ARSG: variants seen among roughly 807,000 people sequenced by gnomAD.
ARSG encodes ASG.
A neutral mutation model predicts 50.5 loss-of-function variants in ARSG; 37 were observed. That is an observed-to-expected ratio of 0.73 (90% CI 0.56 to 0.96). ARSG has a LOEUF of 0.96. Ranked by LOEUF, ARSG falls within the 50% of genes least tolerant of loss-of-function variation. ARSG has a pLI of 0.00. For synonymous variants in ARSG, 225 were observed against 254.6 expected (o/e 0.88, Z 1.11); for missense variants, 629 against 675.3 (o/e 0.93, Z 0.76).
intron 9 of ARSG, among the ~76,000 whole-genome samples, chr17:68,386,259 G>A (rs534195745): frequency 1.3e-5 from 2 of 152,288 alleles, no homozygotes; most frequent in South Asian, 2.1e-4. Flanking sequence ...GGAACCCTCC[G>A]TAGAACCCTG....
At chr17:68,344,425 G>A (rs751992858) in intron 3 of ARSG, among the ~76,000 whole-genome samples, 4 of 152,252 alleles carry the variant, frequency 2.6e-5, no homozygotes, top group Non-Finnish European at 5.9e-5. Context: ...GACCAGCAAC[G>A]TCTGCCACAT....
intron 1 of ARSG, among the ~76,000 whole-genome samples, chr17:68,293,170 A>C (rs1311168181): frequency 6.6e-6 from 1 of 152,224 alleles, no homozygotes; most frequent in East Asian, 1.9e-4. Flanking sequence ...TGAACACTTC[A>C]TGCTAATGCA....
At chr17:68,397,236 C>T (rs2081286009) in intron 10 of ARSG, among the ~76,000 whole-genome samples, 1 of 152,146 alleles carries the variant, frequency 6.6e-6, no homozygotes, top group Admixed American at 6.5e-5. Flanking sequence ...ACAGCATCGT[C>T]ACGGGGAGGT....
chr17:68,430,967 T>C, the ARSG span, among the ~76,000 whole-genome samples: 1 of 152,148 alleles, frequency 6.6e-6, no homozygotes, highest in Admixed American at 6.5e-5. Context: ...CTAGGGGGTC[T>C]TTGGACAAAC....
chr17:68,301,780 C>T lies in ARSG; in HGVS notation c.-551-5163C>T, dbSNP rs969315412. 5.9e-5 allele frequency among the ~76,000 whole-genome samples: 9 copies of T among 152,230 alleles called. No individual in the cohort carries two copies. The East Asian group carries it at 9.7e-4, about 16-fold the overall frequency. Reference sequence around the variant, plus strand: ...CATTGCTTCTGCAGTGGCTTCTTTGCCGCTCCTTGCTTGTGCCAGACCTCA... The same window carrying T: ...CATTGCTTCTGCAGTGGCTTCTTTGTCGCTCCTTGCTTGTGCCAGACCTCA... On this transcript the variant is annotated intron_variant, in intron 1 of 11. Transcript: ENST00000621439.
At chr17:68,424,384 G>A (rs887977285), downstream of ARSG, 2 of 525,794 alleles carry the variant, frequency 3.8e-6, no homozygotes, top group Non-Finnish European at 7.8e-6. Context: ...TAAGCCAAAT[G>A]TGCTCACTAG....
intron 1 of ARSG, among the ~76,000 whole-genome samples, chr17:68,279,075 T>C (rs1194991246): frequency 2.6e-5 from 4 of 152,156 alleles, no homozygotes; most frequent in Non-Finnish European, 5.9e-5. Flanking sequence ...GCAGAATATT[T>C]AGAAGCATAT....
intron 2 of ARSG, among the ~76,000 whole-genome samples, chr17:68,331,817 C>T (rs555877493): frequency 4.6e-5 from 7 of 152,192 alleles, no homozygotes; most frequent in African/African-American, 9.6e-5. Flanking sequence ...TGGCAGGTTC[C>T]GTGATGCCCC....
chr17:68,383,292 A>G (rs1240308086), intron 8 of ARSG, among the ~76,000 whole-genome samples: 1 of 152,204 alleles, frequency 6.6e-6, no homozygotes, highest in Non-Finnish European at 1.5e-5. Context: ...TAGCAAATTT[A>G]TTAACTAAAG....
chr17:68,315,836 T>G (rs560491953), intron 2 of ARSG, among the ~76,000 whole-genome samples: 62 of 152,224 alleles, frequency 4.1e-4, no homozygotes, highest in Non-Finnish European at 8.2e-4. Flanking sequence ...TTTCACCATG[T>G]TGGCCAGGCT....
chr17:68,404,294 T>A lies in ARSG; in HGVS notation c.1303+2844T>A, dbSNP rs564986865. ...TTGAGGAATCGCCACACTGTCTTCC[T>A]CAATGGTTGAACTAGTTTACAGTCC... On this transcript the variant is annotated intron_variant, in intron 11 of 11. Transcript: ENST00000621439. Among the ~76,000 whole-genome samples the A allele has an allele frequency of 4.5e-4, 69 of 152,282 alleles. No individual in the cohort carries two copies. The South Asian group carries it at 0.014, about 30-fold the overall frequency.
chr17:68,307,791 A>G, intron 2 of ARSG, 80 bp downstream of exon 2: 1 of 763,824 alleles, frequency 1.3e-6, no homozygotes, highest in Non-Finnish European at 2.2e-6. Flanking sequence ...CGTGCAAAGC[A>G]CTTAAAGAGT....
rs114590879 is a variant in ARSG at position 68,339,732 on chromosome 17, G to A, written c.219-3872G>A. Among the ~76,000 whole-genome samples, 1,277 of 152,290 alleles carry A rather than the reference G, an allele frequency of 8.4e-3. 18 individuals are homozygous for A. Among genetic ancestry groups the A allele is most frequent in the African/African-American group, 0.027 (1,141 of 41,552 alleles). On this transcript the variant is annotated intron_variant, in intron 2 of 11. Transcript: ENST00000621439. Reference sequence around the variant, plus strand: ...AGATCTAGAGGTTTGATTAGATTCAGGGTAAACGCTTTTGGCAAGAATCCT... The same window carrying A: ...AGATCTAGAGGTTTGATTAGATTCAAGGTAAACGCTTTTGGCAAGAATCCT...
rs1453421205 is a variant in ARSG, at chr17:68,420,269, A to G, written c.1384A>G (p.Thr462Ala). 1 of 1,614,136 alleles carries G rather than the reference A, an allele frequency of 6.2e-7. No individual in the cohort carries two copies. The highest frequency in any genetic ancestry group is 1.1e-5 in the South Asian group (1 of 91,074). ...TCTGATTTTCAACCTGGAAGACGATACCGCAGAAGCTGTGCCCCTAGAAAG... is the reference window on the plus strand; with the variant it reads ...TCTGATTTTCAACCTGGAAGACGATGCCGCAGAAGCTGTGCCCCTAGAAAG... The part of the protein sequence containing the change: ...FPLIFNLEDD[T>A]AEAVPLERGG... Residue 462 changes from threonine to alanine, a missense_variant, in exon 12 of 12, where the codon ACC becomes GCC. Thr to Ala is a moderately conservative substitution (Grantham distance 58, BLOSUM62 0). Transcript: ENST00000621439.
At chr17:68,361,899 A>G (rs2079307355) in intron 6 of ARSG, among the ~76,000 whole-genome samples, 1 of 152,194 alleles carries the variant, frequency 6.6e-6, no homozygotes. Flanking sequence ...CTGGGCAACA[A>G]GAGCGAAACT....
the ARSG span, chr17:68,434,556 C>T: frequency 1.9e-5 from 31 of 1,613,888 alleles, no homozygotes; most frequent in Middle Eastern, 3.3e-4. Context: ...GAACACAGAC[C>T]TTTTCATCCC....
chr17:68,353,754 T>G (rs1261946229), intron 5 of ARSG, among the ~76,000 whole-genome samples: 3 of 152,200 alleles, frequency 2.0e-5, no homozygotes, highest in Non-Finnish European at 4.4e-5. Context: ...CAGGCTGGAG[T>G]GCAGTAGCAC....
chr17:68,318,862 G>A (rs1000021650), intron 2 of ARSG, among the ~76,000 whole-genome samples: 2 of 152,128 alleles, frequency 1.3e-5, no homozygotes, highest in African/African-American at 2.4e-5. Context: ...TTTCTAAAAC[G>A]GGCCTCAGTG....
At chr17:68,332,155 T>G (rs922247106) in intron 2 of ARSG, among the ~76,000 whole-genome samples, 1 of 152,196 alleles carries the variant, frequency 6.6e-6, no homozygotes, top group African/African-American at 2.4e-5. Context: ...AAGACAGACA[T>G]TCCCAAAGTG....
Sources: allele counts gnomAD v4.1 joint callset (sites outside exome capture counted in the v4.1 genomes callset), GRCh38; gene constraint gnomAD v4.1.1; transcripts MANE v1.5; gene names NCBI Gene and HGNC (gene_info 2026-07-23, HGNC 2026-07-21).